VPS13A: variants seen among roughly 807,000 people sequenced by gnomAD.
The protein encoded by VPS13A is intermembrane lipid transfer protein VPS13A.
In VPS13A, 264 loss-of-function variants were observed where a neutral mutation model predicts 390.9. The ratio of observed to expected loss-of-function variants is 0.68; its 90% CI spans 0.61 to 0.75. The LOEUF (loss-of-function observed/expected upper bound fraction) is 0.75, where lower values mean the gene tolerates loss of function less well. Ranked by LOEUF, VPS13A falls within the 30% of genes least tolerant of loss-of-function variation. The pLI is 0.00. For missense variants in VPS13A, 3,409 were observed against 3,733.9 expected (o/e 0.91, Z 2.27); for synonymous variants, 1,231 against 1,227.1 (o/e 1.00, Z -0.07).
rs370077366 is a variant in VPS13A, at chr9:77,366,884, A to G, written c.8471+12A>G. The G allele has an allele frequency of 2.2e-5, 35 of 1,610,288 alleles. No individual in the cohort carries two copies. In the African/African-American group the frequency reaches 2.3e-4, roughly 10 times the overall value. On this transcript the variant is annotated intron_variant, in intron 61 of 71. Coordinates refer to ENST00000360280, the MANE Select transcript of VPS13A (RefSeq NM_033305.3). ...GATGTAGTTTTTAAGTATGTTTAGT[A>G]TTCAAATCTGTAAATTGATGGAAAT...
Position 77,247,175 on chromosome 9 carries a change from T to G in VPS13A, c.1901-84T>G. On this transcript the variant is annotated intron_variant, in intron 19 of 71. Transcript: ENST00000360280. Reference sequence around the variant, plus strand: ...AATACTAATTTTACATTAAGATTGTTTTATCAGTTCATATATTTAGTGATT... The same window carrying G: ...AATACTAATTTTACATTAAGATTGTGTTATCAGTTCATATATTTAGTGATT... The G allele has an allele frequency of 3.5e-6, 4 of 1,143,784 alleles. No individual in the cohort carries two copies. In the South Asian group the frequency reaches 5.5e-5, roughly 16 times the overall value. The allele number at this position is 1,143,784 out of a possible 1,614,324, so 70.9% of individuals were successfully genotyped here.
chr9:77,409,647 C>T (rs1310399906), intron 71 of VPS13A, among the ~76,000 whole-genome samples: 1 of 148,680 alleles, frequency 6.7e-6, no homozygotes, highest in African/African-American at 2.5e-5. Flanking sequence ...AACTAAGTGA[C>T]GAATGCACAA....
rs772472397 is a variant in VPS13A, at chr9:77,351,348, C to T, written c.7321C>T (p.Pro2441Ser). 4 of 1,613,700 alleles carry T rather than the reference C, an allele frequency of 2.5e-6. No individual in the cohort carries two copies. The highest frequency in any genetic ancestry group is 2.2e-5 in the East Asian group (1 of 44,872). ...SLSEIEDSLP[P>S]GKAVFYTWAD... ...CAGTGAAATAGAAGATTCCCTCCCT[C>T]CTGGTAAAGCCGTGTTTTATACATG... Residue 2441 changes from proline to serine, a missense_variant, in exon 53 of 72, where the codon CCT (proline) becomes TCT (serine). Coordinates refer to ENST00000360280, the MANE Select transcript of VPS13A (RefSeq NM_033305.3).
rs146463526 is a variant in VPS13A at position 77,314,018 on chromosome 9, G to A, written c.4141G>A (p.Val1381Ile). The A allele has an allele frequency of 1.2e-6, 2 of 1,613,114 alleles. No individual in the cohort carries two copies. The highest frequency in any genetic ancestry group is 1.7e-6 in the Non-Finnish European group (2 of 1,179,496). Reference protein sequence around the residue: ...GGATVVTAAVVEVHSRALLVK... With the variant: ...GGATVVTAAVIEVHSRALLVK... ...AGCAACTGTGGTGACAGCTGCTGTG[G>A]TAGAAGTACATTCACGTGCCTTACT... Residue 1381 changes from valine (V) to isoleucine (I), a missense_variant, in exon 36 of 72, where the codon GTA (valine) becomes ATA (isoleucine). By Grantham distance (29) the Val-to-Ile change is conservative. Coordinates refer to ENST00000360280, the MANE Select transcript of VPS13A (RefSeq NM_033305.3).
chr9:77,398,526 G>GT (rs564123900), intron 68 of VPS13A, among the ~76,000 whole-genome samples: 37 of 152,188 alleles, frequency 2.4e-4, no homozygotes, highest in South Asian at 1.9e-3. Flanking sequence ...AAATTCTGGG[G>GT]TTTTTTCCCC....
chr9:77,213,346 G>T (rs995862491), intron 9 of VPS13A, 32 bp downstream of exon 9: 8 of 1,556,924 alleles, frequency 5.1e-6, no homozygotes, highest in Non-Finnish European at 7.1e-6. Context: ...GTATTTGTTG[G>T]TATCATATTT....
intron 71 of VPS13A, 21 bp from the exon 72 acceptor site, chr9:77,415,935 T>G (rs760674888): frequency 6.2e-7 from 1 of 1,612,836 alleles, no homozygotes; most frequent in Non-Finnish European, 8.5e-7. Flanking sequence ...AAGCAAATGT[T>G]CATTTATTTT....
rs1281691029 is a variant in VPS13A, at chr9:77,221,188, G to A, written c.993G>A (p.Trp331Ter). ...ATGTTTTTCTTTTTTTAACTAGGTG[G>A]GCTTATGCTATACATGGCGTTCTTG... ...VPLHHHAREW[W>*]AYAIHGVLEV... is the part of the protein sequence containing the mutation. The change falls in exon 13 of 72, where the codon TGG (tryptophan) becomes TGA (stop). Residue 331 changes from tryptophan (W) to a stop codon, truncating the protein, a stop_gained. Coordinates refer to ENST00000360280, the MANE Select transcript of VPS13A (RefSeq NM_033305.3). LOFTEE classifies it high-confidence loss of function. 1.9e-6 allele frequency: 3 copies of A among 1,612,942 alleles called. No individual in the cohort carries two copies. The highest frequency in any genetic ancestry group is 1.7e-5 in the Admixed American group (1 of 59,930).
chr9:77,207,922 G>C (rs1045381953), intron 5 of VPS13A, among the ~76,000 whole-genome samples: 7 of 152,136 alleles, frequency 4.6e-5, no homozygotes, highest in African/African-American at 1.7e-4. Context: ...TACCCTGCAA[G>C]ATATAGGCAT....
intron 1 of VPS13A, among the ~76,000 whole-genome samples, chr9:77,199,675 A>G (rs910359247): frequency 6.6e-6 from 1 of 152,202 alleles, no homozygotes; most frequent in Non-Finnish European, 1.5e-5. Flanking sequence ...ACTCATTTGT[A>G]TAATTCTGAT....
chr9:77,314,245 T>C (rs1394839408), intron 36 of VPS13A, 126 bp downstream of exon 36: 14 of 1,061,408 alleles, frequency 1.3e-5, no homozygotes, highest in Non-Finnish European at 1.8e-5. Flanking sequence ...AGAAAAATGA[T>C]CTTTTTACTT....
At chr9:77,304,354 AT>A (rs1326102418) in intron 34 of VPS13A, among the ~76,000 whole-genome samples, 2 of 152,176 alleles carry the variant, frequency 1.3e-5, no homozygotes, top group African/African-American at 2.4e-5. Context: ...CTGCAAAGTA[AT>A]TGTTTAAAGT....
intron 5 of VPS13A, among the ~76,000 whole-genome samples, chr9:77,208,793 G>GC (rs753193650): frequency 2.6e-5 from 4 of 152,104 alleles, no homozygotes; most frequent in Non-Finnish European, 1.5e-5. Flanking sequence ...CAGATGATCT[G>GC]CCCACCTTGG....
At chr9:77,399,181 T>TAAAAAAAAAAAAAAAAAAAAAAAAAAAAG (rs1223344360) in intron 68 of VPS13A, among the ~76,000 whole-genome samples, 1 of 34,966 alleles carries the variant, frequency 2.9e-5, no homozygotes, top group Non-Finnish European at 6.1e-5. Context: ...AAAAAAAAAA[T>TAAAAAAAAAAAAAAAAAAAAAAAAAAAAG]AAAAAAAAAA....
chr9:77,312,924 A>G (rs1474208463), intron 35 of VPS13A, among the ~76,000 whole-genome samples: 7 of 152,182 alleles, frequency 4.6e-5, no homozygotes, highest in African/African-American at 1.4e-4. Context: ...AGACCTAGGT[A>G]TCTACTCCCA....
intron 59 of VPS13A, among the ~76,000 whole-genome samples, chr9:77,362,408 T>C (rs1294624557): frequency 6.6e-6 from 1 of 152,210 alleles, no homozygotes; most frequent in Non-Finnish European, 1.5e-5. Context: ...TATTTGTTCT[T>C]TGAATGGTCT....
intron 42 of VPS13A, among the ~76,000 whole-genome samples, chr9:77,320,070 T>C (rs1446457491): frequency 6.7e-6 from 1 of 150,264 alleles, no homozygotes; most frequent in African/African-American, 2.4e-5. Context: ...GTTACATAAT[T>C]TAGAACAATT....
At chr9:77,192,056 G>C (rs1395120086) in intron 1 of VPS13A, among the ~76,000 whole-genome samples, 1 of 152,180 alleles carries the variant, frequency 6.6e-6, no homozygotes, top group African/African-American at 2.4e-5. Flanking sequence ...ATTTAGGATA[G>C]TTAAGTCTTC....
intron 68 of VPS13A, among the ~76,000 whole-genome samples, chr9:77,386,965 A>G (rs111963124): frequency 0.013 from 1,917 of 152,130 alleles, 44 homozygotes; most frequent in African/African-American, 0.044. Context: ...CGGCCTCCCA[A>G]GGTGCTGGGA....
Sources: gnomAD v4.1 joint callset for allele counts (sites outside exome capture counted in the v4.1 genomes callset) on GRCh38, gnomAD v4.1.1 for gene constraint, MANE v1.5 for transcripts, NCBI Gene and HGNC (gene_info 2026-07-23, HGNC 2026-07-21) for gene names.